The following VSIG1 variants were observed in gnomAD, a reference collection of about 807,000 sequenced individuals.
VSIG1 encodes V-set and immunoglobulin domain containing 1, also known as V-set and immunoglobulin domain-containing protein 1.
A neutral mutation model predicts 20.1 loss-of-function variants in VSIG1; 11 were observed. The observed-to-expected ratio is 0.55, with a 90% confidence interval of 0.34 to 0.91. The LOEUF (loss-of-function observed/expected upper bound fraction) is 0.91. VSIG1 is among the 40% of genes least tolerant of loss of function. The pLI is 0.02. For synonymous variants in VSIG1, 126 were observed against 116.7 expected (o/e 1.08, Z -0.52); for missense variants, 283 against 298.8 (o/e 0.95, Z 0.39).
At chrX:108,029,588 C>T in the VSIG1 span, among the ~76,000 whole-genome samples, 5 of 111,943 alleles carry the variant, frequency 4.5e-5, no homozygotes, top group East Asian at 1.4e-3. Flanking sequence ...AGTGTTAATG[C>T]CCAACCCTGA....
At chrX:108,066,880 G>A in intron 2 of VSIG1, 56 bp from the exon 3 acceptor site, 1 of 1,102,500 alleles carries the variant, frequency 9.1e-7, no homozygotes, top group Non-Finnish European at 1.3e-6. Context: ...CTTTCAGGTA[G>A]CTTATCCTAG....
chrX:108,071,292 G>A (rs1437082180), intron 3 of VSIG1, among the ~76,000 whole-genome samples: 1 of 111,485 alleles, frequency 9.0e-6, no homozygotes, highest in East Asian at 2.8e-4. Flanking sequence ...AGCAAGGTGA[G>A]TTGGAAAGTA....
intron 1 of VSIG1, among the ~76,000 whole-genome samples, chrX:108,049,603 A>C (rs183081545): frequency 8.9e-6 from 1 of 112,031 alleles, no homozygotes; most frequent in Non-Finnish European, 1.9e-5. Flanking sequence ...CTGTTCATAA[A>C]TTCTCACCCT....
intron 2 of VSIG1, among the ~76,000 whole-genome samples, chrX:108,059,953 C>T (rs1460062792): frequency 9.0e-6 from 1 of 111,617 alleles, no homozygotes; most frequent in Non-Finnish European, 1.9e-5. Context: ...ATTTATGCCT[C>T]CTCTGACACT....
the VSIG1 span, among the ~76,000 whole-genome samples, chrX:108,020,753 GCCT>G: frequency 9.0e-6 from 1 of 111,375 alleles, no homozygotes; most frequent in African/African-American, 3.3e-5. Context: ...GCTCAGGTTT[GCCT>G]CCTCAGTTCT....
intron 1 of VSIG1, among the ~76,000 whole-genome samples, chrX:108,054,847 T>A (rs986332035): frequency 2.8e-5 from 3 of 108,760 alleles, no homozygotes; most frequent in African/African-American, 1.0e-4. Flanking sequence ...ACACTAAATG[T>A]TTACATTGGA....
chrX:108,024,029 A>C, the VSIG1 span, among the ~76,000 whole-genome samples: 192 of 111,581 alleles, frequency 1.7e-3, no homozygotes, highest in African/African-American at 6.1e-3. Context: ...ATTGCAGGGG[A>C]GATGTTGATA....
intron 2 of VSIG1, among the ~76,000 whole-genome samples, chrX:108,059,348 G>T (rs1387861820): frequency 9.0e-6 from 1 of 111,124 alleles, no homozygotes; most frequent in African/African-American, 3.3e-5. Flanking sequence ...TACAAATCCT[G>T]AGCATTTGTT....
chrX:108,027,979 T>C, the VSIG1 span, among the ~76,000 whole-genome samples: 1 of 110,689 alleles, frequency 9.0e-6, no homozygotes, highest in Non-Finnish European at 1.9e-5. Flanking sequence ...CTTTTATATA[T>C]AAACCAAAAA....
chrX:108,056,238 C>T (rs761497633), intron 1 of VSIG1, among the ~76,000 whole-genome samples: 1 of 111,643 alleles, frequency 9.0e-6, no homozygotes, highest in East Asian at 2.8e-4. Flanking sequence ...TTTTGAGGGA[C>T]ACAATTTAAC....
intron 1 of VSIG1, among the ~76,000 whole-genome samples, chrX:108,045,602 A>G (rs185243957): frequency 8.9e-6 from 1 of 112,616 alleles, no homozygotes; most frequent in Admixed American, 9.4e-5. Flanking sequence ...TGGCTTACAT[A>G]TGGGAAGAAC....
At chrX:108,061,739 A>C (rs1056885227) in intron 2 of VSIG1, among the ~76,000 whole-genome samples, 4 of 110,342 alleles carry the variant, frequency 3.6e-5, no homozygotes, top group African/African-American at 9.9e-5. Context: ...CTAAAGGCTC[A>C]GGACCCTATT....
chrX:108,033,886 T>A, the VSIG1 span, among the ~76,000 whole-genome samples: 3 of 110,172 alleles, frequency 2.7e-5, no homozygotes, highest in Non-Finnish European at 5.7e-5. Context: ...TCTCACGGTT[T>A]GGTTTAAGGC....
the VSIG1 span, among the ~76,000 whole-genome samples, chrX:108,019,748 A>G: frequency 1.8e-5 from 2 of 112,085 alleles, no homozygotes; most frequent in African/African-American, 6.5e-5. Context: ...CTATGCTGAC[A>G]CTACTTAGAA....
upstream of VSIG1, among the ~76,000 whole-genome samples, chrX:108,044,249 T>C (rs1272763323): frequency 9.0e-6 from 1 of 111,461 alleles, no homozygotes; most frequent in East Asian, 2.8e-4. Context: ...TTTCTCCGGG[T>C]AACTTAAGCA....
At chrX:108,020,702 G>A in the VSIG1 span, among the ~76,000 whole-genome samples, 1 of 111,441 alleles carries the variant, frequency 9.0e-6, no homozygotes, top group Non-Finnish European at 1.9e-5. Flanking sequence ...TTCCCACTAG[G>A]TCACTGCCTC....
chrX:108,044,521 A>G (rs2030529905), upstream of VSIG1, among the ~76,000 whole-genome samples: 1 of 111,924 alleles, frequency 8.9e-6, no homozygotes, highest in African/African-American at 3.3e-5. Flanking sequence ...TTTTACTGCT[A>G]GTTTTGGTGG....
At chrX:108,068,892 C>A (rs1190188666) in intron 3 of VSIG1, among the ~76,000 whole-genome samples, 1 of 112,206 alleles carries the variant, frequency 8.9e-6, no homozygotes, top group Non-Finnish European at 1.9e-5. Context: ...CCACCTTTCT[C>A]TGACCATTGT....
intron 1 of VSIG1, among the ~76,000 whole-genome samples, chrX:108,054,658 A>T (rs958595920): frequency 1.8e-5 from 2 of 110,995 alleles, no homozygotes; most frequent in African/African-American, 6.5e-5. Flanking sequence ...AGAAATCTGT[A>T]GCAGAAAAGT....
Sources: allele counts gnomAD v4.1 joint callset (sites outside exome capture counted in the v4.1 genomes callset), GRCh38; gene constraint gnomAD v4.1.1; transcripts MANE v1.5; gene names NCBI Gene and HGNC (gene_info 2026-07-23, HGNC 2026-07-21).